Variants in FHIT observed in about 807,000 individuals in gnomAD.
The protein encoded by FHIT is bis(5'-adenosyl)-triphosphatase.
Under a neutral mutation model 17.9 loss-of-function variants are expected in FHIT, and 19 were observed. The observed-to-expected ratio is 1.06, with a 90% CI of 0.74 to 1.56. The LOEUF (loss-of-function observed/expected upper bound fraction) is 1.56. FHIT is among the 40% of genes most tolerant of loss of function. The probability of loss-of-function intolerance (pLI) is 0.00; values close to 1 mark genes in which losing one functional copy is unlikely to be tolerated. For synonymous variants in FHIT, 81 were observed against 69.7 expected (o/e 1.16, Z -0.81); for missense variants, 248 against 189.2 (o/e 1.31, Z -1.82).
At chr3:60,913,774 G>A (rs1010979191) in intron 3 of FHIT, among the ~76,000 whole-genome samples, 1 of 152,166 alleles carries the variant, frequency 6.6e-6, no homozygotes, top group African/African-American at 2.4e-5. Flanking sequence ...TGGCTGACCT[G>A]GCTGGGACAG....
chr3:61,122,795 A>G (rs1385179839), intron 2 of FHIT, among the ~76,000 whole-genome samples: 2 of 152,200 alleles, frequency 1.3e-5, no homozygotes, highest in Non-Finnish European at 2.9e-5. Flanking sequence ...AACCAAAACC[A>G]CAATGAGATA....
intron 2 of FHIT, among the ~76,000 whole-genome samples, chr3:61,085,642 G>GT (rs1238773106): frequency 7.9e-5 from 12 of 151,964 alleles, no homozygotes; most frequent in African/African-American, 2.7e-4. Context: ...ATTTATCAGT[G>GT]TTTTTTTCTT....
In FHIT at chr3:61,227,907, T is replaced by C. The variant is rs1230127985; in HGVS notation, c.-213+23394A>G. On this transcript the variant is annotated intron_variant, in intron 1 of 9. Coordinates refer to ENST00000492590, the MANE Select transcript of FHIT (RefSeq NM_002012.4). ...AAAATGGTACTAGCAAAACTGAGGG[T>C]TGAATTTGGCCTAAAAACTCAATGA... Among the ~76,000 whole-genome samples, 3 of 152,120 alleles carry C rather than the reference T, an allele frequency of 2.0e-5. No individual in the cohort carries two copies. The East Asian group carries it at 5.8e-4, about 29-fold the overall frequency.
chr3:59,994,297 A>C (rs1699413019), intron 7 of FHIT, among the ~76,000 whole-genome samples: 1 of 152,120 alleles, frequency 6.6e-6, no homozygotes, highest in Non-Finnish European at 1.5e-5. Context: ...TATTGTAAAA[A>C]GCAGGTAACC....
At chr3:60,689,041 T>C (rs1553699078) in intron 4 of FHIT, among the ~76,000 whole-genome samples, 1 of 152,102 alleles carries the variant, frequency 6.6e-6, no homozygotes, top group Non-Finnish European at 1.5e-5. Flanking sequence ...GACAATTGAA[T>C]CATGGGGGGT....
intron 5 of FHIT, among the ~76,000 whole-genome samples, chr3:60,094,076 T>C (rs1703840051): frequency 6.6e-6 from 1 of 151,820 alleles, no homozygotes; most frequent in African/African-American, 2.4e-5. Context: ...AAAACCAAAA[T>C]TTAAAAAAAA....
intron 3 of FHIT, among the ~76,000 whole-genome samples, chr3:60,827,869 G>A (rs1002060299): frequency 3.3e-5 from 5 of 152,336 alleles, no homozygotes; most frequent in African/African-American, 1.2e-4. Flanking sequence ...AATGATGGGG[G>A]ACTGTTGCTA....
chr3:60,301,907 G>T (rs1328767295), intron 5 of FHIT, among the ~76,000 whole-genome samples: 1 of 152,030 alleles, frequency 6.6e-6, no homozygotes, highest in Non-Finnish European at 1.5e-5. Flanking sequence ...CACATTAAAT[G>T]CTAAATATAC....
At chr3:61,239,992 G>A (rs1576282009) in intron 1 of FHIT, among the ~76,000 whole-genome samples, 1 of 152,102 alleles carries the variant, frequency 6.6e-6, no homozygotes, top group East Asian at 1.9e-4. Context: ...CACAGGAGTT[G>A]GACCCAGCTG....
intron 8 of FHIT, among the ~76,000 whole-genome samples, chr3:59,770,638 A>G (rs4679606): frequency 0.27 from 40,408 of 152,072 alleles, 5,646 homozygotes; most frequent in Admixed American, 0.36. Context: ...GAACTGTAAA[A>G]CGACAAATTT....
chr3:61,217,654 C>CACT (rs1394421956), intron 1 of FHIT, among the ~76,000 whole-genome samples: 2 of 152,092 alleles, frequency 1.3e-5, no homozygotes, highest in African/African-American at 4.8e-5. Flanking sequence ...GTGTCTGTTA[C>CACT]ACTGTAAGAA....
intron 3 of FHIT, among the ~76,000 whole-genome samples, chr3:60,830,861 TA>T (rs1702304203): frequency 6.6e-6 from 1 of 152,130 alleles, no homozygotes. Context: ...TTTATGGAAG[TA>T]TTAAAACATC....
chr3:60,296,013 T>G (rs986056639), intron 5 of FHIT, among the ~76,000 whole-genome samples: 2 of 152,120 alleles, frequency 1.3e-5, no homozygotes, highest in African/African-American at 4.8e-5. Flanking sequence ...CAAGATCTGA[T>G]GGTTTTATAA....
chr3:60,094,097 T>C (rs1013467098), intron 5 of FHIT, among the ~76,000 whole-genome samples: 1 of 152,052 alleles, frequency 6.6e-6, no homozygotes, highest in Non-Finnish European at 1.5e-5. Flanking sequence ...ATATTGAAGA[T>C]TAAAAAACAG....
At chr3:61,027,808 C>T (rs1052120166) in intron 3 of FHIT, among the ~76,000 whole-genome samples, 1 of 152,128 alleles carries the variant, frequency 6.6e-6, no homozygotes. Flanking sequence ...TACTGGCTAT[C>T]CAGGATTTAC....
In FHIT at chr3:61,121,739, C is replaced by T. The variant is rs116681826; in HGVS notation, c.-164+78878G>A. Among the ~76,000 whole-genome samples the T allele has an allele frequency of 5.1e-3, 782 of 152,214 alleles. 6 individuals are homozygous for T. The highest frequency in any genetic ancestry group is 0.024 in the Middle Eastern group (7 of 294). On this transcript the variant is annotated intron_variant, in intron 2 of 9. Transcript: ENST00000492590. ...AAGACAGGATCAAATTCACACACAA[C>T]AATATTAAACTTAACTGTAAACAGG...
At chr3:59,940,904 T>C (rs550264920) in intron 7 of FHIT, among the ~76,000 whole-genome samples, 1 of 152,190 alleles carries the variant, frequency 6.6e-6, no homozygotes. Context: ...TAGAGAGGAC[T>C]TCCCCAATTT....
intron 8 of FHIT, among the ~76,000 whole-genome samples, chr3:59,897,086 C>A (rs1234134465): frequency 6.6e-6 from 1 of 152,166 alleles, no homozygotes; most frequent in Non-Finnish European, 1.5e-5. Flanking sequence ...CCAACAACAT[C>A]CCCAAAACTT....
intron 5 of FHIT, among the ~76,000 whole-genome samples, chr3:60,029,951 A>T (rs1429777048): frequency 7.6e-6 from 1 of 130,916 alleles, no homozygotes; most frequent in Non-Finnish European, 1.6e-5. Flanking sequence ...GCCTTGGTGC[A>T]GCGTGGCTTT....
Sources: allele counts gnomAD v4.1 joint callset (sites outside exome capture counted in the v4.1 genomes callset), GRCh38; gene constraint gnomAD v4.1.1; transcripts MANE v1.5; gene names NCBI Gene and HGNC (gene_info 2026-07-23, HGNC 2026-07-21).